Variants in SUDS3 observed in about 807,000 individuals in gnomAD.
The protein encoded by SUDS3 is SIN3A corepressor complex component SDS3.
In SUDS3, 23 loss-of-function variants were observed where a neutral mutation model predicts 53.5. The observed-to-expected ratio is 0.43, with a 90% CI of 0.31 to 0.61. The LOEUF is 0.61. SUDS3 is among the 20% of genes least tolerant of loss of function. The pLI, the probability that SUDS3 is intolerant of heterozygous loss-of-function variation, is 0.10. For missense variants in SUDS3, 291 were observed against 405.9 expected (o/e 0.72, Z 2.43); for synonymous variants, 150 against 148.5 (o/e 1.01, Z -0.08).
At chr12:118,406,064 A>G (rs751512225) in intron 10 of SUDS3, among the ~76,000 whole-genome samples, 30 of 152,216 alleles carry the variant, frequency 2.0e-4, no homozygotes, top group Non-Finnish European at 3.4e-4. Context: ...CCTTGGTCTT[A>G]TACTGCTTTT....
At chr12:118,388,426 G>C (rs537563306) in intron 4 of SUDS3, among the ~76,000 whole-genome samples, 2 of 152,136 alleles carry the variant, frequency 1.3e-5, no homozygotes, top group Non-Finnish European at 2.9e-5. Flanking sequence ...TGGACTGTAC[G>C]CACAGCCCCC....
At position 118,386,204 on chromosome 12, in the gene SUDS3, G is replaced by A. The variant is rs367560406; in HGVS notation, c.340+19G>A. Reference sequence around the variant, plus strand: ...AATGCAGGTAAGGCTCCTTTAAATGGCAATGAATCATCTTTCAATGTTTGA... The same window carrying A: ...AATGCAGGTAAGGCTCCTTTAAATGACAATGAATCATCTTTCAATGTTTGA... On this transcript the variant is annotated intron_variant, in intron 4 of 11. Transcript: ENST00000543473. 5.7e-6 allele frequency: 9 copies of A among 1,570,022 alleles called. No individual in the cohort carries two copies. The highest frequency in any genetic ancestry group is 7.8e-6 in the Non-Finnish European group (9 of 1,152,184).
At chr12:118,400,070 G>GAGTGA (rs1409465470) in intron 6 of SUDS3, among the ~76,000 whole-genome samples, 1 of 152,138 alleles carries the variant, frequency 6.6e-6, no homozygotes, top group African/African-American at 2.4e-5. Flanking sequence ...CCACAGAGAG[G>GAGTGA]AGTGAAGAAG....
At chr12:118,380,607 C>T (rs192072326) in intron 2 of SUDS3, among the ~76,000 whole-genome samples, 3 of 152,268 alleles carry the variant, frequency 2.0e-5, no homozygotes, top group East Asian at 1.9e-4. Flanking sequence ...TCAGTCTTCC[C>T]GTTATAAGAC....
At chr12:118,403,829 G>GACCCCTCTT (rs2046286590) in intron 10 of SUDS3, among the ~76,000 whole-genome samples, 1 of 152,076 alleles carries the variant, frequency 6.6e-6, no homozygotes, top group African/African-American at 2.4e-5. Context: ...TCCCCCCTCT[G>GACCCCTCTT]ACCCCTCTTA....
chr12:118,402,109 T>C lies in SUDS3; in HGVS notation c.697+105T>C. ...GGTTGCAATTTTCAAAAATGAAATG[T>C]TCATCATTTGCCTAAGAGTAGTCAT... On this transcript the variant is annotated intron_variant, in intron 9 of 11. Coordinates refer to ENST00000543473, the MANE Select transcript of SUDS3 (RefSeq NM_022491.3). 3.0e-6 allele frequency: 4 copies of C among 1,326,342 alleles called. No homozygotes were observed. In the South Asian group the frequency reaches 4.8e-5, roughly 16 times the overall value. The allele number at this position is 1,326,342 out of a possible 1,614,324, so 82.2% of individuals were successfully genotyped here.
At chr12:118,412,361 G>C (rs965524) in intron 11 of SUDS3, among the ~76,000 whole-genome samples, 17,504 of 152,278 alleles carry the variant, frequency 0.11, 1,275 homozygotes, top group Middle Eastern at 0.19. Context: ...CACAGTAAAT[G>C]TAATGAAACT....
intron 6 of SUDS3, among the ~76,000 whole-genome samples, chr12:118,397,941 A>G (rs975873020): frequency 6.6e-6 from 1 of 152,134 alleles, no homozygotes; most frequent in Non-Finnish European, 1.5e-5. Context: ...CATAATGTTC[A>G]TGGGCTATGT....
intron 5 of SUDS3, among the ~76,000 whole-genome samples, chr12:118,390,756 T>C (rs79360912): frequency 0.022 from 3,364 of 152,342 alleles, 120 homozygotes; most frequent in African/African-American, 0.076. Context: ...TCTTTTGTCT[T>C]GCTGTATCAA....
rs1593791770 is a variant in SUDS3 at position 118,416,370 on chromosome 12, G to A, written c.*1937G>A. On this transcript the variant is annotated 3_prime_UTR_variant, in exon 12 of 12. Transcript: ENST00000543473. ...TTCCGCATTGAAGCAGGAACAAATTGCCTCTTTTTCTGGCCTTCTCTGTGG... is the reference window on the plus strand; with the variant it reads ...TTCCGCATTGAAGCAGGAACAAATTACCTCTTTTTCTGGCCTTCTCTGTGG... The A allele has an allele frequency of 6.6e-6, 1 of 150,598 alleles. No individual in the cohort carries two copies. The highest frequency in any genetic ancestry group is 1.9e-4 in the East Asian group (1 of 5,174). The allele number at this position is 150,598 out of a possible 1,614,324, so 9.3% of individuals were successfully genotyped here. A position where few individuals can be genotyped will look rare whatever the true frequency, so the allele number is the denominator to read the frequency against.
At chr12:118,412,242 A>G (rs1395849440) in intron 11 of SUDS3, among the ~76,000 whole-genome samples, 1 of 152,224 alleles carries the variant, frequency 6.6e-6, no homozygotes, top group African/African-American at 2.4e-5. Flanking sequence ...TGTTAGTTAA[A>G]GTTAAAAACT....
Position 118,386,184 on chromosome 12 carries a change from A to G in SUDS3, c.339A>G (p.Ala113=), listed in dbSNP as rs958275697. The change falls in exon 4 of 12, where the codon GCA becomes GCG. Residue 113 remains alanine, a splice_region_variant and synonymous_variant. Coordinates refer to ENST00000543473, the MANE Select transcript of SUDS3 (RefSeq NM_022491.3). ...DQQYKERIRN[A]ELFLQLETEQ... The stretch of plus-strand genomic sequence containing the variant: ...AGTACAAAGAGAGGATACGGAATGC[A>G]GGTAAGGCTCCTTTAAATGGCAATG... The G allele has an allele frequency of 2.4e-5, 38 of 1,595,524 alleles. No individual in the cohort carries two copies. The highest frequency in any genetic ancestry group is 3.0e-5 in the Non-Finnish European group (35 of 1,170,554).
At position 118,376,702 on chromosome 12, in the gene SUDS3, C is replaced by T. The variant is rs1479982907; in HGVS notation, c.11C>T (p.Ala4Val). 1 of 1,514,088 alleles carries T rather than the reference C, an allele frequency of 6.6e-7. No individual in the cohort carries two copies. Among genetic ancestry groups the T allele is most frequent in the South Asian group, 1.2e-5 (1 of 81,404 alleles). 93.8% of individuals were successfully genotyped at this position (1,514,088 alleles called of 1,614,324 possible). MSA[A>V]GLLAPAPAQA... ...GCGGTCAGAGGCGACATGAGTGCCG[C>T]GGGGCTGCTGGCCCCGGCCCCGGCC... Residue 4 changes from alanine to valine, a missense_variant, in exon 1 of 12, where the codon GCG (alanine) becomes GTG (valine). Ala to Val is a moderately conservative substitution (Grantham distance 64). Coordinates refer to ENST00000543473, the MANE Select transcript of SUDS3 (RefSeq NM_022491.3).
Position 118,417,858 on chromosome 12 carries a change from G to T in SUDS3, c.*3425G>T, listed in dbSNP as rs1001976105. The stretch of plus-strand genomic sequence containing the variant: ...TTCTAGACATTTAATTCTTAGTGAA[G>T]ACTAAGATACAGAATGATGTCAGGC... On this transcript the variant is annotated 3_prime_UTR_variant, in exon 12 of 12. Coordinates refer to ENST00000543473, the MANE Select transcript of SUDS3 (RefSeq NM_022491.3). The T allele has an allele frequency of 6.6e-6, 1 of 152,076 alleles. No homozygotes were observed. Among genetic ancestry groups the T allele is most frequent in the Non-Finnish European group, 1.5e-5 (1 of 68,018 alleles). 9.4% of individuals were successfully genotyped at this position (152,076 alleles called of 1,614,324 possible).
intron 1 of SUDS3, among the ~76,000 whole-genome samples, chr12:118,378,480 A>ATT (rs2046023344): frequency 6.7e-6 from 1 of 149,282 alleles, no homozygotes; most frequent in South Asian, 2.2e-4. Flanking sequence ...ATTGTAAGTA[A>ATT]TCTTTTTTTT....
intron 6 of SUDS3, among the ~76,000 whole-genome samples, chr12:118,393,472 G>A (rs371613073): frequency 6.6e-6 from 1 of 152,036 alleles, no homozygotes; most frequent in Non-Finnish European, 1.5e-5. Flanking sequence ...ACTGTTCACC[G>A]CCCAAACCTC....
At chr12:118,397,218 G>T (rs1050788367) in intron 6 of SUDS3, among the ~76,000 whole-genome samples, 3 of 152,124 alleles carry the variant, frequency 2.0e-5, no homozygotes, top group African/African-American at 4.8e-5. Flanking sequence ...CCCTGCTCAG[G>T]TGTCTTCTCT....
At chr12:118,395,794 C>T (rs748457191) in intron 6 of SUDS3, among the ~76,000 whole-genome samples, 3 of 151,584 alleles carry the variant, frequency 2.0e-5, no homozygotes, top group Admixed American at 1.3e-4. Context: ...TGGGTTCAAG[C>T]GATTCTCCTG....
intron 9 of SUDS3, among the ~76,000 whole-genome samples, chr12:118,403,028 A>T (rs1202049019): frequency 6.6e-6 from 1 of 152,128 alleles, no homozygotes; most frequent in Non-Finnish European, 1.5e-5. Context: ...AAAATGCTGG[A>T]ATCACAGGTG....
Sources: gnomAD v4.1 joint callset for allele counts (sites outside exome capture counted in the v4.1 genomes callset) on GRCh38, gnomAD v4.1.1 for gene constraint, MANE v1.5 for transcripts, NCBI Gene and HGNC (gene_info 2026-07-23, HGNC 2026-07-21) for gene names.